Variants in H2BN1 observed in about 807,000 individuals in gnomAD.
The protein encoded by H2BN1 is H2B.N variant histone 1, also known as histone H2B.N.
chr17:32,898,429 C>T, the H2BN1 span, among the ~76,000 whole-genome samples: 1 of 152,150 alleles, frequency 6.6e-6, no homozygotes, highest in Non-Finnish European at 1.5e-5. Flanking sequence ...ATGAGGCAAT[C>T]AGATATGTAT....
At chr17:32,900,826 C>T in the H2BN1 span, among the ~76,000 whole-genome samples, 1 of 152,016 alleles carries the variant, frequency 6.6e-6, no homozygotes. Context: ...CATGATCCAC[C>T]CACTTTGGCC....
At chr17:32,903,651 G>C in the H2BN1 span, among the ~76,000 whole-genome samples, 1 of 152,282 alleles carries the variant, frequency 6.6e-6, no homozygotes, top group Non-Finnish European at 1.5e-5. Context: ...TTTAAAGCAG[G>C]CAGAAGAGAA....
chr17:32,902,901 T>A, the H2BN1 span, among the ~76,000 whole-genome samples: 1 of 152,122 alleles, frequency 6.6e-6, no homozygotes, highest in East Asian at 1.9e-4. Flanking sequence ...TGTTTATAGT[T>A]TTGTAACCCC....
At chr17:32,896,074 C>T in the H2BN1 span, among the ~76,000 whole-genome samples, 2 of 151,952 alleles carry the variant, frequency 1.3e-5, no homozygotes, top group Non-Finnish European at 2.9e-5. Flanking sequence ...ATTTGCTTGT[C>T]TGTTTTAGTG....
chr17:32,901,319 TA>T, the H2BN1 span, among the ~76,000 whole-genome samples: 1 of 152,210 alleles, frequency 6.6e-6, no homozygotes, highest in African/African-American at 2.4e-5. Flanking sequence ...TAATCTGACA[TA>T]GGGGCTTATG....
At chr17:32,903,636 G>A in the H2BN1 span, among the ~76,000 whole-genome samples, 1 of 152,160 alleles carries the variant, frequency 6.6e-6, no homozygotes, top group Non-Finnish European at 1.5e-5. Flanking sequence ...AAAAATAACA[G>A]CAGATTTAAA....
At chr17:32,900,782 C>T in the H2BN1 span, among the ~76,000 whole-genome samples, 1 of 151,990 alleles carries the variant, frequency 6.6e-6, no homozygotes, top group East Asian at 1.9e-4. Flanking sequence ...AGAGTTTTAC[C>T]ACGTTAGCCA....
chr17:32,895,488 A>T, the H2BN1 span, among the ~76,000 whole-genome samples: 2 of 152,152 alleles, frequency 1.3e-5, no homozygotes, highest in Non-Finnish European at 2.9e-5. Flanking sequence ...ACTGAGCTTT[A>T]TTTCCCAGTC....
the H2BN1 span, among the ~76,000 whole-genome samples, chr17:32,905,225 A>G: frequency 6.6e-6 from 1 of 152,218 alleles, no homozygotes; most frequent in Non-Finnish European, 1.5e-5. Flanking sequence ...GGGAGCAAGT[A>G]AACTCCAAAA....
the H2BN1 span, among the ~76,000 whole-genome samples, chr17:32,901,397 A>C: frequency 2.6e-5 from 4 of 152,100 alleles, no homozygotes; most frequent in South Asian, 2.1e-4. Flanking sequence ...AACTTATTTT[A>C]TCTCTCAAAA....
chr17:32,901,131 C>T, the H2BN1 span, among the ~76,000 whole-genome samples: 1 of 152,024 alleles, frequency 6.6e-6, no homozygotes. Context: ...TTGCTTGAAC[C>T]AGGAGGCAGA....
the H2BN1 span, among the ~76,000 whole-genome samples, chr17:32,897,670 C>G: frequency 0.038 from 5,829 of 152,032 alleles, 165 homozygotes; most frequent in South Asian, 0.055. Flanking sequence ...TGGGGAGGAG[C>G]CTTACAGGAT....
At chr17:32,897,029 T>C in the H2BN1 span, among the ~76,000 whole-genome samples, 1 of 152,190 alleles carries the variant, frequency 6.6e-6, no homozygotes, top group African/African-American at 2.4e-5. Flanking sequence ...CAGGCCACCT[T>C]GTACCTCCCA....
the H2BN1 span, among the ~76,000 whole-genome samples, chr17:32,903,733 G>A: frequency 6.6e-6 from 1 of 152,230 alleles, no homozygotes; most frequent in Non-Finnish European, 1.5e-5. Flanking sequence ...TCTAATGTAA[G>A]TGTGTACAAG....
At chr17:32,900,802 C>G in the H2BN1 span, among the ~76,000 whole-genome samples, 1 of 152,126 alleles carries the variant, frequency 6.6e-6, no homozygotes, top group East Asian at 1.9e-4. Context: ...AGGATGGTCT[C>G]GATCTCCTGA....
chr17:32,896,198 G>A, the H2BN1 span, among the ~76,000 whole-genome samples: 1 of 152,126 alleles, frequency 6.6e-6, no homozygotes, highest in Non-Finnish European at 1.5e-5. Context: ...TTATAGACAT[G>A]AGCCACTGCG....
At chr17:32,901,014 C>A in the H2BN1 span, among the ~76,000 whole-genome samples, 1 of 152,000 alleles carries the variant, frequency 6.6e-6, no homozygotes, top group Non-Finnish European at 1.5e-5. Context: ...TTGAGACCAG[C>A]CTGGCCAACA....
At chr17:32,904,163 C>T in the H2BN1 span, among the ~76,000 whole-genome samples, 1 of 152,330 alleles carries the variant, frequency 6.6e-6, no homozygotes, top group East Asian at 1.9e-4. Flanking sequence ...CCCCCGGTCA[C>T]CCAGGGGCAC....
At chr17:32,902,411 A>G in the H2BN1 span, among the ~76,000 whole-genome samples, 2 of 152,236 alleles carry the variant, frequency 1.3e-5, no homozygotes, top group African/African-American at 4.8e-5. Flanking sequence ...AACAAAGATG[A>G]TAACAAACCC....
Sources: allele counts gnomAD v4.1 joint callset (sites outside exome capture counted in the v4.1 genomes callset), GRCh38; gene constraint gnomAD v4.1.1; transcripts MANE v1.5; gene names NCBI Gene and HGNC (gene_info 2026-07-23, HGNC 2026-07-21).